FARS2: variants seen among roughly 807,000 people sequenced by gnomAD.
FARS2 encodes the protein phenylalanine--tRNA ligase, mitochondrial.
FARS2 carries 40 observed loss-of-function variants against 46.4 expected under a neutral mutation model. The observed-to-expected ratio is 0.86, with a 90% confidence interval of 0.67 to 1.12. The LOEUF is 1.12. FARS2 is among the 50% of genes most tolerant of loss of function. The pLI is 0.00. For synonymous variants in FARS2, 234 were observed against 214.9 expected, an observed-to-expected ratio of 1.09 and a Z score of -0.78; for missense variants, 513 against 567.9, an observed-to-expected ratio of 0.90 and a Z score of 0.98.
At chr6:5,276,681 G>A (rs1766357355) in intron 1 of FARS2, among the ~76,000 whole-genome samples, 1 of 152,068 alleles carries the variant, frequency 6.6e-6, no homozygotes, top group Non-Finnish European at 1.5e-5. Flanking sequence ...GATCACTCTG[G>A]GTCCCCAAAC....
intron 5 of FARS2, among the ~76,000 whole-genome samples, chr6:5,602,644 T>TC: frequency 1.2e-4 from 1 of 8,640 alleles, no homozygotes; most frequent in East Asian, 3.6e-3. Context: ...AGACTCCGTC[T>TC]CAAAAAAAAA....
At chr6:5,760,956 G>A (rs762369395) in intron 6 of FARS2, among the ~76,000 whole-genome samples, 7 of 152,182 alleles carry the variant, frequency 4.6e-5, no homozygotes, top group South Asian at 2.1e-4. Flanking sequence ...TAGGTCATGC[G>A]CCGTCTGAAG....
intron 6 of FARS2, among the ~76,000 whole-genome samples, chr6:5,709,680 G>C (rs1758990140): frequency 7.3e-5 from 2 of 27,224 alleles, no homozygotes; most frequent in Admixed American, 2.6e-4. Context: ...GGGTGTGTGT[G>C]TGTGTGTGTG....
intron 6 of FARS2, among the ~76,000 whole-genome samples, chr6:5,692,813 T>C (rs1008230142): frequency 6.6e-6 from 1 of 152,182 alleles, no homozygotes; most frequent in Non-Finnish European, 1.5e-5. Flanking sequence ...TCCTTGTATG[T>C]TGGTCAAGAT....
intron 4 of FARS2, among the ~76,000 whole-genome samples, chr6:5,503,826 G>A (rs1419828218): frequency 5.9e-5 from 9 of 152,066 alleles, no homozygotes; most frequent in African/African-American, 1.2e-4. Context: ...CTTTGCCCCC[G>A]TCATTGATCA....
chr6:5,271,823 G>C (rs559184092), intron 1 of FARS2, among the ~76,000 whole-genome samples: 1 of 152,046 alleles, frequency 6.6e-6, no homozygotes, highest in East Asian at 1.9e-4. Context: ...GGCCTCCCAA[G>C]TCTGTTTTTG....
intron 5 of FARS2, among the ~76,000 whole-genome samples, chr6:5,594,313 G>A (rs932919489): frequency 6.6e-6 from 1 of 152,120 alleles, no homozygotes; most frequent in Non-Finnish European, 1.5e-5. Context: ...TGTTCCTTCA[G>A]TTCTTTGTTT....
upstream of FARS2, among the ~76,000 whole-genome samples, chr6:5,257,530 C>T (rs1764734031): frequency 6.6e-6 from 1 of 152,312 alleles, no homozygotes; most frequent in South Asian, 2.1e-4. Flanking sequence ...TAGCAGGGGT[C>T]CCCAACCCAT....
At chr6:5,637,941 T>C (rs1375808902) in intron 6 of FARS2, among the ~76,000 whole-genome samples, 1 of 152,234 alleles carries the variant, frequency 6.6e-6, no homozygotes, top group Admixed American at 6.5e-5. Context: ...TACTGGCAGT[T>C]AGGACTGCAA....
chr6:5,602,645 CAAAAAAAAAAAAA>C (rs55712653), intron 5 of FARS2, among the ~76,000 whole-genome samples: 2 of 72,198 alleles, frequency 2.8e-5, no homozygotes, highest in African/African-American at 4.2e-5. Context: ...GACTCCGTCT[CAAAAAAAAAAAAA>C]AAAAAAAAAA....
At chr6:5,340,956 A>G (rs1005182232) in intron 1 of FARS2, among the ~76,000 whole-genome samples, 3 of 150,990 alleles carry the variant, frequency 2.0e-5, no homozygotes, top group East Asian at 2.0e-4. Flanking sequence ...GACCAGCCTG[A>G]CCAACATGAT....
At chr6:5,477,568 A>G (rs1487429119) in intron 4 of FARS2, among the ~76,000 whole-genome samples, 1 of 152,238 alleles carries the variant, frequency 6.6e-6, no homozygotes, top group Non-Finnish European at 1.5e-5. Context: ...CTGAAGTCAG[A>G]CTGCCTGTGT....
Position 5,294,986 on chromosome 6 carries a change from C to G in FARS2, c.-22+33326C>G, listed in dbSNP as rs142663378. ...GAGGGCAGGAGGTCAGAGGCCTGCC[C>G]CTGAGGCCTAAAACACCCAACATGG... On this transcript the variant is annotated intron_variant, in intron 1 of 6. Coordinates refer to ENST00000274680, the MANE Select transcript of FARS2 (RefSeq NM_006567.5). 2.1e-3 allele frequency among the ~76,000 whole-genome samples: 314 copies of G among 152,258 alleles called. 2 individuals are homozygous for G. Among genetic ancestry groups the G allele is most frequent in the African/African-American group, 7.3e-3 (304 of 41,546 alleles).
At chr6:5,260,702 G>C (rs957652932), upstream of FARS2, 10 of 1,550,688 alleles carry the variant, frequency 6.4e-6, no homozygotes, top group African/African-American at 1.4e-5. Flanking sequence ...CCGGTACAGA[G>C]ATAACACTTG....
intron 1 of FARS2, among the ~76,000 whole-genome samples, chr6:5,304,233 T>C (rs1237956563): frequency 1.3e-5 from 2 of 152,220 alleles, no homozygotes; most frequent in Non-Finnish European, 2.9e-5. Context: ...GTTGTATCAG[T>C]TGTTTTGTAT....
intron 1 of FARS2, among the ~76,000 whole-genome samples, chr6:5,333,332 A>AT (rs1006088893): frequency 1.3e-5 from 2 of 152,116 alleles, no homozygotes; most frequent in African/African-American, 4.8e-5. Context: ...GGACATCGTG[A>AT]TTTTTTAAGA....
intron 5 of FARS2, among the ~76,000 whole-genome samples, chr6:5,585,828 G>A (rs1773585147): frequency 6.6e-6 from 1 of 151,944 alleles, no homozygotes; most frequent in African/African-American, 2.4e-5. Context: ...TACTTAGGCT[G>A]TTTCCACATA....
chr6:5,690,741 G>T (rs1052139220), intron 6 of FARS2, among the ~76,000 whole-genome samples: 1 of 152,120 alleles, frequency 6.6e-6, no homozygotes, highest in African/African-American at 2.4e-5. Context: ...TTGAATGTTG[G>T]CCTCCCTTGC....
chr6:5,427,198 A>G (rs1364879970), intron 3 of FARS2, among the ~76,000 whole-genome samples: 1 of 152,218 alleles, frequency 6.6e-6, no homozygotes, highest in African/African-American at 2.4e-5. Context: ...CCATCATGAT[A>G]TTCTCTTCAA....
Sources: gnomAD v4.1 joint callset for allele counts (sites outside exome capture counted in the v4.1 genomes callset) on GRCh38, gnomAD v4.1.1 for gene constraint, MANE v1.5 for transcripts, NCBI Gene and HGNC (gene_info 2026-07-23, HGNC 2026-07-21) for gene names.